CACNA2D1: variants seen among roughly 807,000 people sequenced by gnomAD.
CACNA2D1 encodes the protein calcium voltage-gated channel auxiliary subunit alpha2delta 1.
A neutral mutation model predicts 171.5 loss-of-function variants in CACNA2D1; 53 were observed. The ratio of observed to expected loss-of-function variants is 0.31; its 90% CI spans 0.25 to 0.39. CACNA2D1 has a LOEUF of 0.39. Ranked by LOEUF, CACNA2D1 falls within the 10% of genes least tolerant of loss-of-function variation. The pLI is 1.00. For synonymous variants in CACNA2D1, 442 were observed against 443.1 expected (o/e 1.00, Z 0.03); for missense variants, 903 against 1,299.8 (o/e 0.69, Z 4.69).
intron 38 of CACNA2D1, among the ~76,000 whole-genome samples, chr7:81,954,008 A>G (rs1164781461): frequency 6.6e-6 from 1 of 152,082 alleles, no homozygotes; most frequent in Non-Finnish European, 1.5e-5. Context: ...TCACACTGAA[A>G]AATGTGTCTT....
At chr7:82,019,435 A>T (rs1354237724) in intron 12 of CACNA2D1, among the ~76,000 whole-genome samples, 1 of 152,254 alleles carries the variant, frequency 6.6e-6, no homozygotes, top group Non-Finnish European at 1.5e-5. Flanking sequence ...AAGGAACATT[A>T]TAATTCCAAT....
rs544637197 is a variant in CACNA2D1 at position 82,432,647 on chromosome 7, T to G, written c.95+10718A>C. On this transcript the variant is annotated intron_variant, in intron 1 of 38. Coordinates refer to ENST00000356860, the MANE Select transcript of CACNA2D1 (RefSeq NM_000722.4). ...AGCCCTCGCCCAAATTCCAGTGGTT[T>G]TTTAATCTTCTAGAGTTTACTGTTT... Among the ~76,000 whole-genome samples the G allele has an allele frequency of 3.0e-4, 46 of 152,348 alleles. 1 individual carries two copies. The highest frequency in any genetic ancestry group is 2.8e-3 in the Admixed American group (43 of 15,304).
chr7:82,094,400 C>G (rs890430501), intron 6 of CACNA2D1, among the ~76,000 whole-genome samples: 1 of 152,080 alleles, frequency 6.6e-6, no homozygotes, highest in Non-Finnish European at 1.5e-5. Flanking sequence ...TCCACATATA[C>G]ATGTATGCAT....
Position 81,959,820 on chromosome 7 carries a change from A to G in CACNA2D1, c.2976T>C (p.His992=). 6.2e-7 allele frequency: 1 copy of G among 1,612,054 alleles called. No homozygotes were observed. Among genetic ancestry groups the G allele is most frequent in the South Asian group, 1.1e-5 (1 of 91,008 alleles). ...LDCGNCSRIF[H]GEKLMNTNLI... ...AGTTGGTGTTCATAAGCTTTTCTCCATGAAAGATTCTGCAAAATAAATATG... is the reference window on the plus strand; with the variant it reads ...AGTTGGTGTTCATAAGCTTTTCTCCGTGAAAGATTCTGCAAAATAAATATG... The change falls in exon 37 of 39, where the codon CAT becomes CAC. Residue 992 remains histidine, a synonymous_variant. Coordinates refer to ENST00000356860, the MANE Select transcript of CACNA2D1 (RefSeq NM_000722.4).
At chr7:82,350,200 G>A (rs899378769) in intron 1 of CACNA2D1, among the ~76,000 whole-genome samples, 12 of 151,994 alleles carry the variant, frequency 7.9e-5, no homozygotes, top group African/African-American at 2.7e-4. Flanking sequence ...TTCCCATGAC[G>A]TTACATTTTG....
intron 5 of CACNA2D1, among the ~76,000 whole-genome samples, chr7:82,118,471 T>C (rs1789334011): frequency 6.6e-6 from 1 of 152,136 alleles, no homozygotes; most frequent in Non-Finnish European, 1.5e-5. Flanking sequence ...AATGAATGGA[T>C]GTATACATAG....
intron 3 of CACNA2D1, among the ~76,000 whole-genome samples, chr7:82,232,669 T>C (rs1415618598): frequency 6.6e-6 from 1 of 151,582 alleles, no homozygotes; most frequent in Non-Finnish European, 1.5e-5. Context: ...ATGGAGACCA[T>C]CCTGGCTAAC....
At chr7:82,047,733 C>T (rs537264319) in intron 10 of CACNA2D1, among the ~76,000 whole-genome samples, 12 of 151,858 alleles carry the variant, frequency 7.9e-5, no homozygotes, top group Non-Finnish European at 1.3e-4. Context: ...CTCAAAGAAG[C>T]GTACATTCTT....
At chr7:82,001,699 A>C (rs1281431468) in intron 18 of CACNA2D1, 4 of 1,255,132 alleles carry the variant, frequency 3.2e-6, no homozygotes, top group Non-Finnish European at 4.2e-6. Flanking sequence ...AATTGTTGGT[A>C]TACCTACACC....
intron 3 of CACNA2D1, among the ~76,000 whole-genome samples, chr7:82,174,169 G>GA (rs5885274): frequency 5.4e-5 from 8 of 147,294 alleles, no homozygotes; most frequent in African/African-American, 2.0e-4. Context: ...ACTTACTTCA[G>GA]AAAAAAAAAA....
intron 4 of CACNA2D1, among the ~76,000 whole-genome samples, chr7:82,169,409 C>T (rs1220478654): frequency 6.8e-6 from 1 of 147,332 alleles, no homozygotes; most frequent in Admixed American, 6.7e-5. Flanking sequence ...AACAAACTGG[C>T]AGTTGTCAAA....
intron 10 of CACNA2D1, among the ~76,000 whole-genome samples, chr7:82,053,399 A>C (rs1805446324): frequency 6.7e-6 from 1 of 148,402 alleles, no homozygotes; most frequent in Non-Finnish European, 1.5e-5. Flanking sequence ...TCTCAATGTA[A>C]TCACTTAAAA....
chr7:82,029,962 G>A (rs1584476452), intron 12 of CACNA2D1: 1 of 151,840 alleles, frequency 6.6e-6, no homozygotes. Context: ...CAGGAAAAAT[G>A]TGTGTGTCCT....
intron 1 of CACNA2D1, chr7:82,410,646 G>A (rs1314886722): frequency 4.6e-5 from 14 of 306,360 alleles, no homozygotes; most frequent in East Asian, 1.7e-4. Context: ...CTGAGCAGGC[G>A]CGTAAGGGCA....
intron 33 of CACNA2D1, 30 bp from the exon 34 acceptor site, chr7:81,964,138 G>T (rs3735517): frequency 6.2e-7 from 1 of 1,611,000 alleles, no homozygotes; most frequent in East Asian, 2.2e-5. Context: ...GGTCATTTCA[G>T]TAGTCTACTT....
intron 11 of CACNA2D1, among the ~76,000 whole-genome samples, chr7:82,037,352 G>A (rs967009753): frequency 2.0e-5 from 3 of 152,136 alleles, no homozygotes; most frequent in Admixed American, 6.5e-5. Flanking sequence ...GGTGGCGGGT[G>A]CCTGTAATCC....
chr7:82,102,570 T>A (rs16887177), intron 6 of CACNA2D1, among the ~76,000 whole-genome samples: 19,657 of 152,068 alleles, frequency 0.13, 1,857 homozygotes, highest in African/African-American at 0.26. Flanking sequence ...TTTTCACTCA[T>A]CCTACAACCC....
At chr7:82,163,248 T>A (rs1313295279) in intron 4 of CACNA2D1, among the ~76,000 whole-genome samples, 1 of 152,074 alleles carries the variant, frequency 6.6e-6, no homozygotes, top group Non-Finnish European at 1.5e-5. Context: ...TTATCATTTT[T>A]AAAGACTTTC....
At chr7:82,266,971 T>C (rs1171349662) in intron 3 of CACNA2D1, among the ~76,000 whole-genome samples, 6 of 152,172 alleles carry the variant, frequency 3.9e-5, no homozygotes, top group Admixed American at 1.3e-4. Flanking sequence ...TTCTGAAAAA[T>C]TTTTATCCAT....
Sources: allele counts gnomAD v4.1 joint callset (sites outside exome capture counted in the v4.1 genomes callset), GRCh38; gene constraint gnomAD v4.1.1; transcripts MANE v1.5; gene names NCBI Gene and HGNC (gene_info 2026-07-23, HGNC 2026-07-21).